The following CLSTN1 variants were observed in gnomAD, a reference collection of about 807,000 sequenced individuals.
CLSTN1 encodes the protein calsyntenin 1, also known as calsyntenin-1.
Under a neutral mutation model 108.3 loss-of-function variants are expected in CLSTN1, and 28 were observed. That is an observed-to-expected ratio of 0.26 (90% CI 0.19 to 0.35). The LOEUF is 0.35. CLSTN1 is among the 10% of genes least tolerant of loss of function. The probability of loss-of-function intolerance (pLI) is 1.00; values close to 1 mark genes in which losing one functional copy is unlikely to be tolerated. For missense variants in CLSTN1, 1,157 were observed against 1,302.6 expected, an observed-to-expected ratio of 0.89 and a Z score of 1.72; for synonymous variants, 524 against 534.9, an observed-to-expected ratio of 0.98 and a Z score of 0.28.
In CLSTN1 at chr1:9,756,332, CA is replaced by C; in HGVS notation, c.244+148del. The C allele has an allele frequency of 4.7e-6, 3 of 643,384 alleles. No individual in the cohort carries two copies. In the South Asian group the frequency reaches 6.3e-5, roughly 13 times the overall value. 39.9% of individuals were successfully genotyped at this position (643,384 alleles called of 1,614,324 possible). On this transcript the variant is annotated intron_variant, in intron 3 of 18. Coordinates refer to ENST00000377298, the MANE Select transcript of CLSTN1 (RefSeq NM_001009566.3). ...GGGTCTGGTTACATACAATTTCCAT[CA>C]ATATACTTTAAAATAGAAACAAAGT... is the stretch of plus-strand genomic sequence containing the variant.
chr1:9,798,349 G>A (rs1321890044), intron 1 of CLSTN1, among the ~76,000 whole-genome samples: 1 of 152,104 alleles, frequency 6.6e-6, no homozygotes, highest in Non-Finnish European at 1.5e-5. Flanking sequence ...TGCATCAACA[G>A]ATGAACGGAC....
chr1:9,767,279 A>G (rs1652385328), intron 2 of CLSTN1, among the ~76,000 whole-genome samples: 1 of 152,210 alleles, frequency 6.6e-6, no homozygotes, highest in Non-Finnish European at 1.5e-5. Flanking sequence ...GCAGTGGCTC[A>G]CGCCTGTAAT....
intron 1 of CLSTN1, among the ~76,000 whole-genome samples, chr1:9,790,441 C>A (rs1653710049): frequency 6.8e-6 from 1 of 146,828 alleles, no homozygotes. Context: ...TATTGACTGT[C>A]AAATGTTGAA....
At chr1:9,815,413 A>G (rs1049500891) in intron 1 of CLSTN1, among the ~76,000 whole-genome samples, 11 of 152,236 alleles carry the variant, frequency 7.2e-5, no homozygotes, top group Admixed American at 6.5e-5. Context: ...CTCAAAGTCT[A>G]AAGTCCAGAG....
chr1:9,821,957 T>C (rs1655205894), intron 1 of CLSTN1, among the ~76,000 whole-genome samples: 1 of 152,204 alleles, frequency 6.6e-6, no homozygotes, highest in African/African-American at 2.4e-5. Flanking sequence ...AATGAAGATA[T>C]TCAAAGTTGA....
chr1:9,764,090 T>C (rs1375085068), intron 2 of CLSTN1, among the ~76,000 whole-genome samples: 2 of 143,072 alleles, frequency 1.4e-5, no homozygotes, highest in Admixed American at 7.1e-5. Flanking sequence ...AGAAATCACA[T>C]GGTGAGGGAG....
At chr1:9,783,210 T>C (rs1653330759) in intron 1 of CLSTN1, among the ~76,000 whole-genome samples, 1 of 152,184 alleles carries the variant, frequency 6.6e-6, no homozygotes, top group South Asian at 2.1e-4. Context: ...CAACTTAGGA[T>C]TTTTAGACTT....
At chr1:9,815,370 T>C (rs1054069951) in intron 1 of CLSTN1, among the ~76,000 whole-genome samples, 1 of 152,116 alleles carries the variant, frequency 6.6e-6, no homozygotes, top group Non-Finnish European at 1.5e-5. Context: ...CTATTTAAAG[T>C]ATAGAGGAAA....
At chr1:9,751,728 T>TGA (rs748426168) in intron 4 of CLSTN1, 47 bp from the exon 5 acceptor site, 9 of 1,550,748 alleles carry the variant, frequency 5.8e-6, no homozygotes, top group Admixed American at 1.7e-5. Flanking sequence ...GTTTTCAGTG[T>TGA]GAGAGAGAGA....
At chr1:9,748,092 G>C (rs1323546426) in intron 7 of CLSTN1, among the ~76,000 whole-genome samples, 1 of 151,762 alleles carries the variant, frequency 6.6e-6, no homozygotes, top group Non-Finnish European at 1.5e-5. Context: ...GTTGTTATCA[G>C]GCTAGTGAAA....
chr1:9,811,469 C>T (rs551707710), intron 1 of CLSTN1, among the ~76,000 whole-genome samples: 28 of 152,176 alleles, frequency 1.8e-4, no homozygotes, highest in East Asian at 1.4e-3. Context: ...TTACAGACAG[C>T]TCAGAAGCAA....
chr1:9,737,417 C>A (rs894984110), intron 11 of CLSTN1, 81 bp downstream of exon 11: 3 of 1,283,456 alleles, frequency 2.3e-6, no homozygotes, highest in African/African-American at 1.5e-5. Flanking sequence ...GCAACTGGGG[C>A]GTTTCATGCG....
At position 9,747,081 on chromosome 1, in the gene CLSTN1, G is replaced by A. The variant is rs184266425; in HGVS notation, c.985+2380C>T. ...TGTAATCCCAGCTACTTGGGAGGCC[G>A]AGGCAGGAGAATCGCTTGAACCCAG... is the stretch of plus-strand genomic sequence containing the variant. On this transcript the variant is annotated intron_variant, in intron 7 of 18. Transcript: ENST00000377298. Among the ~76,000 whole-genome samples the A allele has an allele frequency of 1.0e-4, 15 of 150,642 alleles. No individual in the cohort carries two copies. In the East Asian group the frequency reaches 2.0e-3, roughly 20 times the overall value.
chr1:9,746,492 G>C (rs1651273235), intron 7 of CLSTN1, among the ~76,000 whole-genome samples: 1 of 152,168 alleles, frequency 6.6e-6, no homozygotes, highest in Non-Finnish European at 1.5e-5. Context: ...GAGGCAGGCA[G>C]ATCAACTGAG....
chr1:9,808,849 C>T (rs150275606), intron 1 of CLSTN1, among the ~76,000 whole-genome samples: 82 of 152,036 alleles, frequency 5.4e-4, no homozygotes, highest in Middle Eastern at 3.4e-3. Flanking sequence ...GGTTTCCAAA[C>T]GATAAGAGTA....
At chr1:9,773,505 T>G in intron 1 of CLSTN1, 111 bp from the exon 2 acceptor site, 1 of 1,184,572 alleles carries the variant, frequency 8.4e-7, no homozygotes, top group African/African-American at 1.6e-5. Flanking sequence ...CTCATTAGGC[T>G]TGAAGACAGT....
intron 16 of CLSTN1, 82 bp downstream of exon 16, chr1:9,733,319 C>T: frequency 1.9e-6 from 3 of 1,541,768 alleles, no homozygotes; most frequent in South Asian, 2.3e-5. Context: ...CTGAGGTTGG[C>T]GTTTGTGAAT....
chr1:9,810,094 A>AG, intron 1 of CLSTN1, among the ~76,000 whole-genome samples: 3 of 3,776 alleles, frequency 7.9e-4, no homozygotes, highest in South Asian at 0.01. Flanking sequence ...GAAAGGAAGG[A>AG]GGGAGGGAGG....
rs771323610 is a variant in CLSTN1, at chr1:9,730,739, G to A, written c.2749-34C>T. Reference sequence around the variant, plus strand: ...GAGAAGTGACGGCCACATGAGTCCGGCCCTGCCCACAGCCCCGTCACCTGG... The same window carrying A: ...GAGAAGTGACGGCCACATGAGTCCGACCCTGCCCACAGCCCCGTCACCTGG... On this transcript the variant is annotated intron_variant, in intron 18 of 18. Transcript: ENST00000377298. The surrounding 1 kb of genome is among the most constrained non-coding windows in gnomAD (Gnocchi z 5.6). 3.4e-5 allele frequency: 53 copies of A among 1,552,742 alleles called. No homozygotes were observed. The Middle Eastern group carries it at 5.0e-4, about 15-fold the overall frequency.
Sources: gnomAD v4.1 joint callset for allele counts (sites outside exome capture counted in the v4.1 genomes callset) on GRCh38, gnomAD v4.1.1 for gene constraint, Gnocchi (gnomAD v3.1) non-coding constraint, MANE v1.5 for transcripts, NCBI Gene and HGNC (gene_info 2026-07-23, HGNC 2026-07-21) for gene names.